Variants in SVIL observed in about 807,000 individuals in gnomAD.
The protein encoded by SVIL is supervillin.
In SVIL, 101 loss-of-function variants were observed where a neutral mutation model predicts 240.4. The ratio of observed to expected loss-of-function variants is 0.42; its 90% CI spans 0.36 to 0.50. The LOEUF is 0.50. Ranked by LOEUF, SVIL falls within the 20% of genes least tolerant of loss-of-function variation. The pLI is 0.01. For synonymous variants in SVIL, 999 were observed against 1,100.0 expected (o/e 0.91, Z 1.82); for missense variants, 2,512 against 2,818.7 (o/e 0.89, Z 2.46).
chr10:29,618,328 G>A (rs1957503812), intron 1 of SVIL, among the ~76,000 whole-genome samples: 2 of 152,210 alleles, frequency 1.3e-5, no homozygotes, highest in African/African-American at 4.8e-5. Flanking sequence ...CCATAAAGCT[G>A]TGGAAAGGAA....
At chr10:29,650,056 C>T (rs1344668937) in intron 3 of SVIL, among the ~76,000 whole-genome samples, 2 of 152,196 alleles carry the variant, frequency 1.3e-5, no homozygotes, top group African/African-American at 4.8e-5. Flanking sequence ...ACTTCTCAGC[C>T]ATCAGAACCA....
In SVIL at chr10:29,531,409, C is replaced by G. The variant is rs895238030; in HGVS notation, c.2010-121G>C. The G allele has an allele frequency of 5.2e-6, 5 of 957,286 alleles. No individual in the cohort carries two copies. In the African/African-American group the frequency reaches 8.3e-5, roughly 16 times the overall value. The allele number at this position is 957,286 out of a possible 1,614,324, so 59.3% of individuals were successfully genotyped here. A position where few individuals can be genotyped will look rare whatever the true frequency, so the allele number is the denominator to read the frequency against. On this transcript the variant is annotated intron_variant, in intron 9 of 37. Coordinates refer to ENST00000355867, the MANE Select transcript of SVIL (RefSeq NM_021738.3). Reference sequence around the variant, plus strand: ...ATTAAATTCTTTTAAGAAATAACCTCCTGGTAGCAATTCTAGTTGTGAAAA... The same window carrying G: ...ATTAAATTCTTTTAAGAAATAACCTGCTGGTAGCAATTCTAGTTGTGAAAA...
chr10:29,481,305 A>G (rs1946823957), intron 28 of SVIL, among the ~76,000 whole-genome samples: 1 of 151,968 alleles, frequency 6.6e-6, no homozygotes, highest in South Asian at 2.1e-4. Flanking sequence ...AGGAGACGGG[A>G]CAGGGAAGAT....
At chr10:29,683,769 C>T (rs4537663) in intron 2 of SVIL, among the ~76,000 whole-genome samples, 1,597 of 152,252 alleles carry the variant, frequency 0.01, 32 homozygotes, top group African/African-American at 0.037. Context: ...AGGATCCAAA[C>T]ACAGCCTGTG....
chr10:29,664,124 T>G (rs1210815982), intron 2 of SVIL, among the ~76,000 whole-genome samples: 1 of 152,176 alleles, frequency 6.6e-6, no homozygotes, highest in Non-Finnish European at 1.5e-5. Context: ...CATTTTTTAG[T>G]ACACTCCTGC....
At chr10:29,659,017 T>C (rs1959082264) in intron 2 of SVIL, among the ~76,000 whole-genome samples, 1 of 152,198 alleles carries the variant, frequency 6.6e-6, no homozygotes, top group Non-Finnish European at 1.5e-5. Flanking sequence ...TCTGCATTTA[T>C]TTTCCTCAAA....
At position 29,735,204 on chromosome 10, in the gene SVIL, C is replaced by A. The variant is rs1045884228; in HGVS notation, c.-400+547G>T. On this transcript the variant is annotated intron_variant, in intron 1 of 35. Coordinates refer to the SVIL transcript ENST00000375400. This position sits in a 1 kb window ranked among gnomAD's most constrained non-coding sequence, Gnocchi z 4.1. ...TGGGGTGGCCTGGCGCACCACGCAT[C>A]GGGTTCAAACCCGCGCGGGCCCTGC... 6.6e-6 allele frequency among the ~76,000 whole-genome samples: 1 copy of A among 152,156 alleles called. No individual in the cohort carries two copies. Among genetic ancestry groups the A allele is most frequent in the Non-Finnish European group, 1.5e-5 (1 of 68,018 alleles).
At chr10:29,528,992 A>G (rs1951139594) in intron 12 of SVIL, among the ~76,000 whole-genome samples, 1 of 151,978 alleles carries the variant, frequency 6.6e-6, no homozygotes, top group Non-Finnish European at 1.5e-5. Flanking sequence ...CCTGGCCAAC[A>G]TGGTGAAACC....
chr10:29,652,222 C>T (rs546264577), intron 3 of SVIL, among the ~76,000 whole-genome samples: 1 of 152,148 alleles, frequency 6.6e-6, no homozygotes, highest in Non-Finnish European at 1.5e-5. Flanking sequence ...CCATACACCC[C>T]CTGTCGTAGG....
At chr10:29,712,088 T>C (rs949434963) in intron 1 of SVIL, 5 of 152,228 alleles carry the variant, frequency 3.3e-5, no homozygotes, top group African/African-American at 1.2e-4. Flanking sequence ...TGAGTGATGC[T>C]GCAGTTGTGA....
intron 1 of SVIL, among the ~76,000 whole-genome samples, chr10:29,629,374 G>A (rs541043289): frequency 6.6e-6 from 1 of 152,222 alleles, no homozygotes; most frequent in East Asian, 1.9e-4. Flanking sequence ...AACCTAAGGC[G>A]GCTCAAAGCA....
At chr10:29,500,591 A>C (rs1468563370) in intron 17 of SVIL, among the ~76,000 whole-genome samples, 1 of 152,158 alleles carries the variant, frequency 6.6e-6, no homozygotes, top group East Asian at 1.9e-4. Flanking sequence ...ACCTTCTTCT[A>C]GGAGGTTCCC....
At chr10:29,506,826 A>ATAGAGG (rs1564536012) in intron 17 of SVIL, among the ~76,000 whole-genome samples, 33 of 146,236 alleles carry the variant, frequency 2.3e-4, no homozygotes, top group African/African-American at 7.5e-4. Flanking sequence ...CAGGGAAGGG[A>ATAGAGG]CAGAGGCCCT....
intron 1 of SVIL, among the ~76,000 whole-genome samples, chr10:29,610,473 AG>A (rs1427274914): frequency 7.1e-6 from 1 of 141,198 alleles, no homozygotes; most frequent in Non-Finnish European, 1.5e-5. Context: ...TTTTTGAGAC[AG>A]GGTCTCGCTC....
chr10:29,731,979 G>A (rs777672680), intron 1 of SVIL, among the ~76,000 whole-genome samples: 1 of 152,262 alleles, frequency 6.6e-6, no homozygotes. Context: ...CAATGGAAGC[G>A]ACGGCCCAGC....
chr10:29,646,847 G>A (rs1459751010), intron 3 of SVIL, among the ~76,000 whole-genome samples: 2 of 152,154 alleles, frequency 1.3e-5, no homozygotes, highest in Non-Finnish European at 2.9e-5. Flanking sequence ...GAGAAGCAGG[G>A]AGTAGCAATG....
intron 12 of SVIL, among the ~76,000 whole-genome samples, chr10:29,529,058 C>T (rs1035447910): frequency 1.3e-5 from 2 of 151,394 alleles, no homozygotes; most frequent in Non-Finnish European, 2.9e-5. Flanking sequence ...TGCCTGTAAT[C>T]CCAACTACTC....
intron 1 of SVIL, among the ~76,000 whole-genome samples, chr10:29,734,390 G>A (rs546674209): frequency 2.0e-5 from 3 of 152,198 alleles, no homozygotes; most frequent in Admixed American, 6.5e-5. Flanking sequence ...TTCAGTAACC[G>A]ACTTTGTCAA....
At chr10:29,643,743 A>G (rs1156292390) in intron 3 of SVIL, among the ~76,000 whole-genome samples, 1 of 152,048 alleles carries the variant, frequency 6.6e-6, no homozygotes, top group African/African-American at 2.4e-5. Flanking sequence ...TACTGGCTTT[A>G]GCTGAAAATC....
Sources: gnomAD v4.1 joint callset for allele counts (sites outside exome capture counted in the v4.1 genomes callset) on GRCh38, gnomAD v4.1.1 for gene constraint, Gnocchi (gnomAD v3.1) non-coding constraint, MANE v1.5 for transcripts, NCBI Gene and HGNC (gene_info 2026-07-23, HGNC 2026-07-21) for gene names.